UTY: variants seen among roughly 807,000 people sequenced by gnomAD.
UTY encodes the protein ubiquitously transcribed tetratricopeptide repeat containing, Y-linked.
A neutral mutation model predicts 32.5 loss-of-function variants in UTY; 12 were observed. The ratio of observed to expected loss-of-function variants is 0.37; its 90% CI spans 0.24 to 0.60. The LOEUF is 0.60. UTY is among the 20% of genes least tolerant of loss of function. The pLI is 0.69. For missense variants in UTY, 303 were observed against 299.2 expected (o/e 1.01, Z -0.09); for synonymous variants, 131 against 103.4 (o/e 1.27, Z -1.62).
intron 8 of UTY, among the ~76,000 whole-genome samples, chrY:13,385,330 C>T: frequency 3.0e-5 from 1 of 33,452 alleles, no homozygotes; most frequent in African/African-American, 1.2e-4. Context: ...AGAAATATTC[C>T]TGGATGAGAA....
intron 25 of UTY, among the ~76,000 whole-genome samples, chrY:13,299,668 T>C: frequency 3.1e-5 from 1 of 32,733 alleles, no homozygotes; most frequent in African/African-American, 1.2e-4. Flanking sequence ...GCAACATGAA[T>C]TGCCTCTTTC....
chrY:13,395,693 G>A lies in UTY; in HGVS notation c.610+1225C>T, dbSNP rs199534420. ...ACACACACACACACACACACACACA[G>A]CAAAGAGAAAACCAAAAACTATGTC... On this transcript the variant is annotated intron_variant, in intron 7 of 29. Coordinates refer to ENST00000545955, the MANE Select transcript of UTY (RefSeq NM_001258249.2). Among the ~76,000 whole-genome samples the A allele has an allele frequency of 6.2e-4, 16 of 25,778 alleles. No individual in the cohort carries two copies. In the East Asian group the frequency reaches 0.014, roughly 22 times the overall value. The allele number at this position is 25,778 out of a possible 37,273, so 69.2% of individuals were successfully genotyped here.
At chrY:13,478,794 T>A (rs2072422) in intron 2 of UTY, among the ~76,000 whole-genome samples, 7,049 of 33,157 alleles carry the variant, frequency 0.21, no homozygotes, top group African/African-American at 0.68. Context: ...AAATATCTAC[T>A]GCAAACTCTT....
chrY:13,398,938 G>A (rs546384794), intron 6 of UTY, among the ~76,000 whole-genome samples: 58 of 32,457 alleles, frequency 1.8e-3, no homozygotes, highest in Admixed American at 0.014. Flanking sequence ...GAAGAAATTG[G>A]ACCTCGAGCA....
chrY:13,425,959 C>G (rs2073187213), intron 4 of UTY, among the ~76,000 whole-genome samples: 3 of 33,231 alleles, frequency 9.0e-5, no homozygotes, highest in African/African-American at 3.6e-4. Context: ...CATAAAGTCA[C>G]AATGATTGCA....
intron 10 of UTY, among the ~76,000 whole-genome samples, chrY:13,364,752 T>C (rs2063931139): frequency 6.0e-5 from 2 of 33,518 alleles, no homozygotes; most frequent in Non-Finnish European, 1.5e-4. Context: ...TACAATCTAG[T>C]GATTTAAAAA....
intron 27 of UTY, among the ~76,000 whole-genome samples, chrY:13,277,676 T>C (rs2148577737): frequency 3.0e-5 from 1 of 33,461 alleles, no homozygotes; most frequent in Non-Finnish European, 7.4e-5. Context: ...TGGTACCCAC[T>C]GGGGGAGCAT....
intron 6 of UTY, among the ~76,000 whole-genome samples, chrY:13,397,773 A>G: frequency 5.9e-5 from 2 of 33,911 alleles, no homozygotes; most frequent in Non-Finnish European, 1.5e-4. Context: ...GTCTACCGAT[A>G]GAATAACTGT....
intron 19 of UTY, among the ~76,000 whole-genome samples, chrY:13,325,355 G>A: frequency 9.1e-5 from 3 of 32,883 alleles, no homozygotes; most frequent in Admixed American, 2.8e-4. Flanking sequence ...AAATCCTCTC[G>A]TACAGATCTG....
intron 3 of UTY, among the ~76,000 whole-genome samples, chrY:13,453,876 T>A: frequency 3.1e-5 from 1 of 32,318 alleles, no homozygotes; most frequent in Non-Finnish European, 7.5e-5. Flanking sequence ...TTAAAAAAAA[T>A]TACTGCTTTT....
intron 3 of UTY, among the ~76,000 whole-genome samples, chrY:13,460,804 A>G: frequency 3.0e-5 from 1 of 33,533 alleles, no homozygotes; most frequent in Admixed American, 2.8e-4. Context: ...TATAAAACAT[A>G]GTAACTATAT....
At chrY:13,371,376 CAT>C (rs2064914456) in intron 8 of UTY, among the ~76,000 whole-genome samples, 4 of 32,889 alleles carry the variant, frequency 1.2e-4, no homozygotes, top group African/African-American at 3.6e-4. Flanking sequence ...CACACACACA[CAT>C]GCACACACAG....
intron 27 of UTY, among the ~76,000 whole-genome samples, chrY:13,272,086 G>A: frequency 2.9e-5 from 1 of 34,037 alleles, no homozygotes. Context: ...TTTTGTTAAA[G>A]TAGCAATATA....
At chrY:13,324,810 GT>G in intron 19 of UTY, 104 bp from the exon 20 acceptor site, 2 of 187,235 alleles carry the variant, frequency 1.1e-5, no homozygotes, top group Non-Finnish European at 1.8e-5. Context: ...AAATTTGTGA[GT>G]TTTTTTCCAT....
At chrY:13,326,007 C>T (rs760991856) in intron 19 of UTY, among the ~76,000 whole-genome samples, 25 of 33,999 alleles carry the variant, frequency 7.4e-4, no homozygotes, top group African/African-American at 2.8e-3. Flanking sequence ...ATTTTATTTT[C>T]AAAAGCAGGT....
At chrY:13,390,416 T>C (rs1047002314) in intron 8 of UTY, among the ~76,000 whole-genome samples, 24 of 33,520 alleles carry the variant, frequency 7.2e-4, no homozygotes, top group African/African-American at 2.8e-3. Context: ...TTGAGATACA[T>C]TCCTTATGTA....
At chrY:13,405,059 GTACA>G (rs2069663148) in intron 6 of UTY, among the ~76,000 whole-genome samples, 2 of 32,266 alleles carry the variant, frequency 6.2e-5, no homozygotes, top group African/African-American at 1.2e-4. Flanking sequence ...ATATATATGT[GTACA>G]TATGTGTGTG....
At chrY:13,339,154 C>T (rs1057432263) in intron 17 of UTY, among the ~76,000 whole-genome samples, 8 of 33,792 alleles carry the variant, frequency 2.4e-4, no homozygotes, top group Non-Finnish European at 5.9e-4. Flanking sequence ...CCAGTGATAA[C>T]CTTAATAGAC....
chrY:13,248,081 A>AT (rs2053972430), downstream of UTY, among the ~76,000 whole-genome samples: 10 of 32,526 alleles, frequency 3.1e-4, no homozygotes, highest in South Asian at 1.4e-3. Context: ...TACAAATTGC[A>AT]TTTTTTTTTC....
Sources: gnomAD v4.1 joint callset for allele counts (sites outside exome capture counted in the v4.1 genomes callset) on GRCh38, gnomAD v4.1.1 for gene constraint, MANE v1.5 for transcripts, NCBI Gene and HGNC (gene_info 2026-07-23, HGNC 2026-07-21) for gene names.